Variants in KCNIP4 observed in about 807,000 individuals in gnomAD.
KCNIP4 encodes the protein potassium voltage-gated channel interacting protein 4, also known as Kv channel-interacting protein 4.
A neutral mutation model predicts 34.0 loss-of-function variants in KCNIP4; 12 were observed. That is an observed-to-expected ratio of 0.35 (90% CI 0.23 to 0.57). KCNIP4 has a LOEUF of 0.57. KCNIP4 is among the 20% of genes least tolerant of loss of function. KCNIP4 has a pLI of 0.83. For missense variants in KCNIP4, 238 were observed against 311.7 expected (o/e 0.76, Z 1.78); for synonymous variants, 124 against 102.2 (o/e 1.21, Z -1.29).
chr4:21,432,091 C>CATATATATATATATATATAT (rs71655634), intron 1 of KCNIP4, among the ~76,000 whole-genome samples: 4 of 36,420 alleles, frequency 1.1e-4, no homozygotes, highest in East Asian at 1.5e-3. Context: ...AAAATGGAAG[C>CATATATATATATATATATAT]ATATATATAT....
chr4:20,924,783 T>C (rs1225442629), intron 1 of KCNIP4, among the ~76,000 whole-genome samples: 3 of 152,340 alleles, frequency 2.0e-5, no homozygotes, highest in Non-Finnish European at 4.4e-5. Context: ...CATTCATTAA[T>C]TTAACTCCAT....
At chr4:20,867,109 T>C (rs1722955355) in intron 2 of KCNIP4, among the ~76,000 whole-genome samples, 1 of 152,084 alleles carries the variant, frequency 6.6e-6, no homozygotes, top group Non-Finnish European at 1.5e-5. Flanking sequence ...TTAAATACTA[T>C]TCTAGTCAAA....
At chr4:21,347,741 G>A (rs1219928325) in intron 1 of KCNIP4, among the ~76,000 whole-genome samples, 1 of 152,148 alleles carries the variant, frequency 6.6e-6, no homozygotes, top group Non-Finnish European at 1.5e-5. Flanking sequence ...TTTGTAATGT[G>A]ACAGCATTTT....
At chr4:21,307,148 G>A (rs540175012) in intron 1 of KCNIP4, among the ~76,000 whole-genome samples, 4 of 152,276 alleles carry the variant, frequency 2.6e-5, no homozygotes, top group African/African-American at 7.2e-5. Flanking sequence ...AGGAACTATT[G>A]AAGAGCATCA....
At chr4:20,982,428 G>C (rs1736153804) in intron 1 of KCNIP4, among the ~76,000 whole-genome samples, 1 of 152,162 alleles carries the variant, frequency 6.6e-6, no homozygotes, top group South Asian at 2.1e-4. Context: ...GCAAAATTGT[G>C]TAACATTGGA....
chr4:21,818,996 G>A (rs1722159902), intron 1 of KCNIP4, among the ~76,000 whole-genome samples: 1 of 152,144 alleles, frequency 6.6e-6, no homozygotes, highest in Admixed American at 6.6e-5. Context: ...AATGGAAAAT[G>A]CCTACTCTGT....
intron 1 of KCNIP4, among the ~76,000 whole-genome samples, chr4:21,776,199 T>C (rs1295617768): frequency 6.6e-6 from 1 of 152,218 alleles, no homozygotes; most frequent in African/African-American, 2.4e-5. Flanking sequence ...CCCTTCCCCG[T>C]GTGGCTCTGA....
intron 3 of KCNIP4, among the ~76,000 whole-genome samples, chr4:20,772,733 C>T (rs1297889854): frequency 6.6e-6 from 1 of 151,970 alleles, no homozygotes; most frequent in African/African-American, 2.4e-5. Context: ...CCTCCATCTC[C>T]TAGGTTCAAG....
At chr4:21,322,121 G>A (rs1313533731) in intron 1 of KCNIP4, among the ~76,000 whole-genome samples, 1 of 141,368 alleles carries the variant, frequency 7.1e-6, no homozygotes, top group Non-Finnish European at 1.5e-5. Context: ...AAGGAAGAAA[G>A]GAAGAAGGAA....
At chr4:20,869,859 C>T (rs967675117) in intron 2 of KCNIP4, among the ~76,000 whole-genome samples, 43 of 152,134 alleles carry the variant, frequency 2.8e-4, no homozygotes, top group African/African-American at 1.0e-3. Context: ...CTCTTGTTAG[C>T]TCTGTGTGAC....
intron 3 of KCNIP4, among the ~76,000 whole-genome samples, chr4:20,830,387 G>A (rs1293106690): frequency 1.3e-5 from 2 of 152,172 alleles, no homozygotes; most frequent in African/African-American, 4.8e-5. Context: ...TCTGGGAAAA[G>A]AGCTGAAAAT....
intron 3 of KCNIP4, among the ~76,000 whole-genome samples, chr4:20,819,902 G>A (rs571627302): frequency 2.0e-5 from 3 of 152,306 alleles, no homozygotes; most frequent in East Asian, 3.9e-4. Flanking sequence ...GGACTTGCCA[G>A]CCTCCAGAAC....
chr4:21,855,391 G>A (rs192981797), intron 1 of KCNIP4, among the ~76,000 whole-genome samples: 1 of 152,138 alleles, frequency 6.6e-6, no homozygotes, highest in Admixed American at 6.5e-5. Flanking sequence ...TGTCTAAACC[G>A]CTGAAGCTGT....
chr4:20,783,202 C>G (rs1757016552), intron 3 of KCNIP4, among the ~76,000 whole-genome samples: 1 of 152,176 alleles, frequency 6.6e-6, no homozygotes. Context: ...CTAGGGATCT[C>G]CAAACTTTTC....
chr4:20,862,352 TA>T (rs1385343764), intron 2 of KCNIP4, among the ~76,000 whole-genome samples: 1 of 152,078 alleles, frequency 6.6e-6, no homozygotes, highest in East Asian at 1.9e-4. Flanking sequence ...AAACAAAAAT[TA>T]TACTGCCAGT....
Position 21,774,090 on chromosome 4 carries a change from T to A in KCNIP4, c.61+174481A>T, listed in dbSNP as rs180808504. ...GACTGGTACTGGTTTTTCCTTTTCATATTTAGTGCTTCTTTCAAAAGCTCA... is the reference window on the plus strand; with the variant it reads ...GACTGGTACTGGTTTTTCCTTTTCAAATTTAGTGCTTCTTTCAAAAGCTCA... On this transcript the variant is annotated intron_variant, in intron 1 of 8. Coordinates refer to ENST00000382152, the MANE Select transcript of KCNIP4 (RefSeq NM_025221.6). Among the ~76,000 whole-genome samples the A allele has an allele frequency of 2.0e-3, 307 of 152,200 alleles. 1 individual carries two copies. Among genetic ancestry groups the A allele is most frequent in the Admixed American group, 3.5e-3 (54 of 15,272 alleles).
chr4:21,546,524 A>C (rs571712253), intron 1 of KCNIP4, among the ~76,000 whole-genome samples: 1 of 152,228 alleles, frequency 6.6e-6, no homozygotes, highest in East Asian at 1.9e-4. Flanking sequence ...TTCCTCTCTG[A>C]TTCACTAATG....
At position 21,025,791 on chromosome 4, in the gene KCNIP4, C is replaced by T. The variant is rs1422594578; in HGVS notation, c.62-143082G>A. On this transcript the variant is annotated intron_variant, in intron 1 of 8. Coordinates refer to ENST00000382152, the MANE Select transcript of KCNIP4 (RefSeq NM_025221.6). ...GGATGGTCTCGATCTCCTGACCAGG[C>T]TATCTGCCTGCCTTGGCCTCCCTAA... Among the ~76,000 whole-genome samples the T allele has an allele frequency of 1.3e-4, 20 of 152,068 alleles. No homozygotes were observed. In the East Asian group the frequency reaches 3.9e-3, roughly 30 times the overall value.
chr4:21,351,623 C>T (rs929086612), intron 1 of KCNIP4, among the ~76,000 whole-genome samples: 3 of 152,106 alleles, frequency 2.0e-5, no homozygotes, highest in African/African-American at 7.2e-5. Context: ...TGGAATAGGG[C>T]ATTTAAAGAG....
Sources: gnomAD v4.1 joint callset for allele counts (sites outside exome capture counted in the v4.1 genomes callset) on GRCh38, gnomAD v4.1.1 for gene constraint, MANE v1.5 for transcripts, NCBI Gene and HGNC (gene_info 2026-07-23, HGNC 2026-07-21) for gene names.